Variants in NBPF15 observed in about 807,000 individuals in gnomAD.
NBPF15 encodes NBPF family member NBPF15.
Under a neutral mutation model 62.2 loss-of-function variants are expected in NBPF15, and 74 were observed. The ratio of observed to expected loss-of-function variants is 1.19; its 90% CI spans 0.99 to 1.44. The LOEUF is 1.44. Ranked by LOEUF, NBPF15 falls within the 40% of genes most tolerant of loss-of-function variation. The probability of loss-of-function intolerance (pLI) is 0.00; values close to 1 mark genes in which losing one functional copy is unlikely to be tolerated. For synonymous variants in NBPF15, 244 were observed against 209.7 expected, an observed-to-expected ratio of 1.16 and a Z score of -1.41; for missense variants, 790 against 550.0, an observed-to-expected ratio of 1.44 and a Z score of -4.36.
At chr1:144,431,738 C>A (rs1420891174) in intron 13 of NBPF15, among the ~76,000 whole-genome samples, 1 of 128,550 alleles carries the variant, frequency 7.8e-6, no homozygotes, top group African/African-American at 3.0e-5. Context: ...TAAGAACATG[C>A]GGTATTTGGT....
intron 8 of NBPF15, among the ~76,000 whole-genome samples, chr1:144,438,599 A>G (rs1680437513): frequency 6.6e-6 from 1 of 152,100 alleles, no homozygotes; most frequent in Non-Finnish European, 1.5e-5. Flanking sequence ...CATGAAGGAA[A>G]TATGCCCAAA....
In NBPF15 at chr1:144,439,974, G is replaced by C. The variant is rs1241115152; in HGVS notation, c.30C>G (p.Ser10Arg). Residue 10 changes from serine (S) to arginine (R), a missense_variant, in exon 8 of 22, where the codon AGC becomes AGG. Transcript: ENST00000581897. Reference protein sequence around the residue: MVVSAGPLSSEKAEMNILEI... With the variant: MVVSAGPLSREKAEMNILEI... ...CTAGAATGTTCATCTCTGCCTTCTC[G>C]CTGGACAAAGGGCCGGCTGATACCA... The C allele has an allele frequency of 6.2e-7, 1 of 1,610,336 alleles. No homozygotes were observed. The highest frequency in any genetic ancestry group is 1.1e-5 in the South Asian group (1 of 90,946).
rs1403932389 is a variant in NBPF15 at position 144,461,138 on chromosome 1, G to A, written c.-937-177C>T. On this transcript the variant is annotated intron_variant, in intron 1 of 21. Coordinates refer to ENST00000581897, the MANE Select transcript of NBPF15 (RefSeq NM_001385408.1). ...TACACGAGGACGTGCCCCCGAAGCTGCTCGTCCCTCCACCCCCTGAGATGC... is the reference window on the plus strand; with the variant it reads ...TACACGAGGACGTGCCCCCGAAGCTACTCGTCCCTCCACCCCCTGAGATGC... Among the ~76,000 whole-genome samples, 40 of 151,894 alleles carry A rather than the reference G, an allele frequency of 2.6e-4. 1 individual carries two copies. The highest frequency in any genetic ancestry group is 4.4e-4 in the Non-Finnish European group (30 of 67,926).
chr1:144,439,421 G>T (rs1553542094), intron 8 of NBPF15, among the ~76,000 whole-genome samples: 1 of 152,016 alleles, frequency 6.6e-6, no homozygotes, highest in Non-Finnish European at 1.5e-5. Flanking sequence ...AGCTTTGCCT[G>T]TTGGGCCTCC....
Position 144,427,819 on chromosome 1 carries a change from A to T in NBPF15, c.1212T>A (p.Asp404Glu). The change falls in exon 16 of 22, where the codon GAT becomes GAA. Residue 404 changes from aspartate to glutamate, a missense_variant and splice_region_variant. Asp to Glu is a conservative substitution (Grantham distance 45). Transcript: ENST00000581897. ...TCACCTTCATAGAAAGGTACTCACC[A>T]TCCATGTCAATAGCCAAGCCAACAC... ...QQRVGLAIDM[D>E]EIEKYQEVEE... is the part of the protein sequence containing the mutation. The T allele has an allele frequency of 1.4e-6, 1 of 721,676 alleles. No individual in the cohort carries two copies. Among genetic ancestry groups the T allele is most frequent in the Non-Finnish European group, 2.5e-6 (1 of 393,930 alleles). The allele number at this position is 721,676 out of a possible 1,614,324, so 44.7% of individuals were successfully genotyped here.
At chr1:144,441,105 G>A (rs1682611953) in intron 6 of NBPF15, among the ~76,000 whole-genome samples, 1 of 151,822 alleles carries the variant, frequency 6.6e-6, no homozygotes, top group Non-Finnish European at 1.5e-5. Flanking sequence ...TTTTTCTGAT[G>A]GGAGACAGGT....
chr1:144,427,983 T>G lies in NBPF15; in HGVS notation c.1048A>C (p.Arg350=). ...GGCTCTTTCTCATCCAGCAGCTCCC[T>G]GCTGAGCCTGGAAAAGTGGGAAAAA... is the stretch of plus-strand genomic sequence containing the variant. ...DQEATGPRLS[R]ELLDEKEPEV... Residue 350 remains arginine, a synonymous_variant, in exon 16 of 22, where the codon AGG becomes CGG. Transcript: ENST00000581897. 1 of 759,824 alleles carries G rather than the reference T, an allele frequency of 1.3e-6. No individual in the cohort carries two copies. 47.1% of individuals were successfully genotyped at this position (759,824 alleles called of 1,614,324 possible). A position where few individuals can be genotyped will look rare whatever the true frequency, so the allele number is the denominator to read the frequency against.
chr1:144,447,190 C>A (rs1422382463), intron 6 of NBPF15, among the ~76,000 whole-genome samples: 5 of 152,276 alleles, frequency 3.3e-5, no homozygotes, highest in African/African-American at 1.2e-4. Context: ...CCCGCCATGA[C>A]CTCCAGCCTG....
intron 6 of NBPF15, among the ~76,000 whole-genome samples, chr1:144,442,165 TATATATATATATATA>T: frequency 2.3e-3 from 1 of 430 alleles, no homozygotes; most frequent in African/African-American, 9.1e-3. Context: ...TACACGTGTA[TATATATATATATATA>T]ATATATATAC....
chr1:144,457,908 A>G lies in NBPF15; in HGVS notation c.-700-1103T>C, dbSNP rs1266962327. On this transcript the variant is annotated intron_variant, in intron 3 of 21. Transcript: ENST00000581897. ...AGTTTGAAACCAGTCTGAGCACTAC[A>G]GGAAAACCCTGTCTACAAAAAATAG... Among the ~76,000 whole-genome samples, 33 of 152,044 alleles carry G rather than the reference A, an allele frequency of 2.2e-4. 1 individual carries two copies. Among genetic ancestry groups the G allele is most frequent in the African/African-American group, 7.7e-4 (32 of 41,462 alleles).
In NBPF15 at chr1:144,424,732, C is replaced by A; in HGVS notation, c.1621G>T (p.Ala541Ser). The A allele has an allele frequency of 3.3e-6, 2 of 606,078 alleles. No individual in the cohort carries two copies. The highest frequency in any genetic ancestry group is 4.0e-5 in the South Asian group (2 of 50,242). 37.5% of individuals were successfully genotyped at this position (606,078 alleles called of 1,614,324 possible). ...AAGCCAACATGTTTTTCCTCCAATG[C>A]ATAAAAGGAACTTCCATAGGGCTGG... ...SCQPYGSSFY[A>S]LEEKHVGFSL... Residue 541 changes from alanine to serine, a missense_variant, in exon 20 of 22, where the codon GCA becomes TCA. Ala to Ser is a moderately conservative substitution (Grantham distance 99, BLOSUM62 1). Transcript: ENST00000581897.
chr1:144,441,762 T>C (rs1297432721), intron 6 of NBPF15, among the ~76,000 whole-genome samples: 3 of 151,688 alleles, frequency 2.0e-5, no homozygotes, highest in African/African-American at 4.9e-5. Context: ...AATTTAACTT[T>C]CACATCTTAA....
chr1:144,423,169 A>G lies in NBPF15; in HGVS notation c.1857T>C (p.Phe619=). ...AGTGCTGGAATGAGTCAGGTTGTTC[A>G]AAGTACATTGACGGAGTCGAATAAC... ...DRCYSTPSMY[F]EQPDSFQHYR... The change falls in exon 22 of 22, where the codon TTT becomes TTC. Residue 619 remains phenylalanine (F), a synonymous_variant. Transcript: ENST00000581897. 1 of 1,611,636 alleles carries G rather than the reference A, an allele frequency of 6.2e-7. No homozygotes were observed. Among genetic ancestry groups the G allele is most frequent in the East Asian group, 2.2e-5 (1 of 44,864 alleles).
At chr1:144,450,530 C>T (rs1690413892) in intron 5 of NBPF15, among the ~76,000 whole-genome samples, 5 of 150,340 alleles carry the variant, frequency 3.3e-5, no homozygotes, top group Admixed American at 2.0e-4. Flanking sequence ...CACAGCCAGC[C>T]CATTCCCGGA....
At chr1:144,425,097 C>CAG (rs1237151312) in intron 19 of NBPF15, among the ~76,000 whole-genome samples, 2 of 145,120 alleles carry the variant, frequency 1.4e-5, no homozygotes, top group Non-Finnish European at 3.0e-5. Context: ...CACACACACA[C>CAG]ACACACAGAC....
chr1:144,457,996 C>A (rs587716653), intron 3 of NBPF15, among the ~76,000 whole-genome samples: 5 of 151,438 alleles, frequency 3.3e-5, no homozygotes, highest in Admixed American at 6.6e-5. Context: ...CTGAGGTGGG[C>A]AGACTGCTTG....
intron 21 of NBPF15, among the ~76,000 whole-genome samples, chr1:144,423,576 T>C (rs61812436): frequency 5.3e-5 from 8 of 151,924 alleles, no homozygotes; most frequent in African/African-American, 1.7e-4. Context: ...CAGCAAACTG[T>C]GATCACAAAA....
At chr1:144,455,244 G>C (rs1440590188) in intron 4 of NBPF15, among the ~76,000 whole-genome samples, 2 of 149,068 alleles carry the variant, frequency 1.3e-5, no homozygotes, top group African/African-American at 5.0e-5. Context: ...AAGAGAGAGA[G>C]AAAAAGAGTG....
At chr1:144,438,976 T>A (rs1355392980) in intron 8 of NBPF15, among the ~76,000 whole-genome samples, 1 of 151,706 alleles carries the variant, frequency 6.6e-6, no homozygotes, top group African/African-American at 2.4e-5. Context: ...TTCTTATTTT[T>A]ATTTATCATT....
Sources: allele counts gnomAD v4.1 joint callset (sites outside exome capture counted in the v4.1 genomes callset), GRCh38; gene constraint gnomAD v4.1.1; transcripts MANE v1.5; gene names NCBI Gene and HGNC (gene_info 2026-07-23, HGNC 2026-07-21).